The following ATP8A2 variants were observed in gnomAD, a reference collection of about 807,000 sequenced individuals.
ATP8A2 encodes phospholipid-transporting ATPase IB.
In ATP8A2, 100 loss-of-function variants were observed where a neutral mutation model predicts 165.6. The observed-to-expected ratio is 0.60, with a 90% CI of 0.51 to 0.71. The LOEUF (loss-of-function observed/expected upper bound fraction) is 0.71. ATP8A2 is among the 30% of genes least tolerant of loss of function. The pLI is 0.00. For missense variants in ATP8A2, 1,227 were observed against 1,479.5 expected (o/e 0.83, Z 2.80); for synonymous variants, 543 against 548.8 (o/e 0.99, Z 0.15).
chr13:25,737,963 C>T (rs980471025), intron 25 of ATP8A2, among the ~76,000 whole-genome samples: 5 of 152,180 alleles, frequency 3.3e-5, no homozygotes, highest in Admixed American at 6.5e-5. Flanking sequence ...GGATTACAGG[C>T]GTGAGCCATC....
intron 35 of ATP8A2, among the ~76,000 whole-genome samples, chr13:25,993,338 A>T (rs2139297412): frequency 6.6e-6 from 1 of 152,324 alleles, no homozygotes; most frequent in Admixed American, 6.5e-5. Flanking sequence ...GAAAACTGGC[A>T]CAAGACAGGG....
intron 1 of ATP8A2, among the ~76,000 whole-genome samples, chr13:25,380,266 G>A (rs2032789577): frequency 6.6e-6 from 1 of 152,182 alleles, no homozygotes; most frequent in Non-Finnish European, 1.5e-5. Flanking sequence ...TGTTGAGCTT[G>A]TAGCTTGCTT....
At chr13:25,457,676 C>A (rs942694274) in intron 1 of ATP8A2, among the ~76,000 whole-genome samples, 2 of 152,238 alleles carry the variant, frequency 1.3e-5, no homozygotes, top group Admixed American at 6.5e-5. Flanking sequence ...AACAAATCGA[C>A]CTGGCAACCC....
chr13:25,571,865 A>G, intron 18 of ATP8A2, 173 bp downstream of exon 18: 1 of 682,072 alleles, frequency 1.5e-6, no homozygotes, highest in South Asian at 1.7e-5. Context: ...GTTGTTTTGC[A>G]TTGCAGTATT....
rs1395305179 is a variant in ATP8A2 at position 25,371,995 on chromosome 13, C to T, written c.-218C>T. On this transcript the variant is annotated 5_prime_UTR_variant, in exon 1 of 37. Coordinates refer to ENST00000381655, the MANE Select transcript of ATP8A2 (RefSeq NM_016529.6). ...CGCCGCAGCCCGGGCCAGCGGGGCC[C>T]GCCGCGGTGGCGTTCGCGGATGCTG... 3.6e-5 allele frequency: 6 copies of T among 165,750 alleles called. No individual in the cohort carries two copies. The highest frequency in any genetic ancestry group is 6.4e-5 in the Non-Finnish European group (5 of 78,090). The allele number at this position is 165,750 out of a possible 1,614,324, so 10.3% of individuals were successfully genotyped here.
intron 33 of ATP8A2, among the ~76,000 whole-genome samples, chr13:25,937,823 T>G (rs1221029113): frequency 1.7e-5 from 2 of 116,716 alleles, no homozygotes; most frequent in Non-Finnish European, 3.2e-5. Context: ...CACTCCAGCC[T>G]GGGGGACAGA....
At chr13:25,573,176 A>G (rs2039516542) in intron 18 of ATP8A2, among the ~76,000 whole-genome samples, 1 of 152,152 alleles carries the variant, frequency 6.6e-6, no homozygotes, top group African/African-American at 2.4e-5. Context: ...AATCTGAACT[A>G]TAGGATTTTC....
chr13:25,801,046 T>A (rs1950612658), intron 27 of ATP8A2, among the ~76,000 whole-genome samples: 1 of 152,152 alleles, frequency 6.6e-6, no homozygotes, highest in South Asian at 2.1e-4. Context: ...GCTGCTGAGG[T>A]CTGTTTGTAG....
intron 1 of ATP8A2, among the ~76,000 whole-genome samples, chr13:25,416,110 G>T (rs558873588): frequency 7.2e-5 from 11 of 152,264 alleles, no homozygotes; most frequent in African/African-American, 2.4e-4. Context: ...TAGCAGGCAT[G>T]AGCCACTACA....
intron 35 of ATP8A2, among the ~76,000 whole-genome samples, chr13:26,006,322 A>G (rs1225495930): frequency 1.3e-5 from 2 of 151,952 alleles, no homozygotes; most frequent in Non-Finnish European, 2.9e-5. Flanking sequence ...GTACATTGCT[A>G]TTATATTTGT....
intron 27 of ATP8A2, among the ~76,000 whole-genome samples, chr13:25,811,103 C>T (rs1950857839): frequency 6.6e-6 from 1 of 151,946 alleles, no homozygotes; most frequent in Admixed American, 6.6e-5. Context: ...CTAAAAGATC[C>T]TGTCATCTTA....
At chr13:25,592,515 C>T (rs183704995) in intron 24 of ATP8A2, among the ~76,000 whole-genome samples, 14 of 152,320 alleles carry the variant, frequency 9.2e-5, no homozygotes, top group African/African-American at 3.4e-4. Context: ...CAAAACACCG[C>T]ATCGGTGGAC....
chr13:25,795,658 C>T (rs928707186), intron 27 of ATP8A2, among the ~76,000 whole-genome samples: 17 of 152,212 alleles, frequency 1.1e-4, no homozygotes, highest in African/African-American at 3.4e-4. Context: ...AAGTATCTTA[C>T]AAAATAAAAA....
intron 4 of ATP8A2, among the ~76,000 whole-genome samples, chr13:25,531,326 ATATATATATGT>A (rs1481649652): frequency 2.3e-4 from 18 of 79,106 alleles, no homozygotes; most frequent in South Asian, 1.0e-3. Context: ...GTTATATATG[ATATATATATGT>A]TATATATGAT....
intron 23 of ATP8A2, among the ~76,000 whole-genome samples, chr13:25,584,047 T>G (rs2039850985): frequency 6.6e-6 from 1 of 152,212 alleles, no homozygotes; most frequent in Non-Finnish European, 1.5e-5. Context: ...AAACACATCT[T>G]GGGTGTTACT....
chr13:25,904,149 C>G (rs904672722), intron 33 of ATP8A2, among the ~76,000 whole-genome samples: 7 of 152,236 alleles, frequency 4.6e-5, no homozygotes, highest in Non-Finnish European at 7.3e-5. Context: ...AGCGTTTCCT[C>G]TGAGCGTCAT....
intron 28 of ATP8A2, among the ~76,000 whole-genome samples, chr13:25,829,657 G>T (rs1951404655): frequency 9.9e-6 from 1 of 100,830 alleles, no homozygotes. Flanking sequence ...GTAGAGCCAA[G>T]GACAGGTGTG....
intron 27 of ATP8A2, among the ~76,000 whole-genome samples, chr13:25,791,648 T>C (rs1387967643): frequency 6.6e-6 from 1 of 151,956 alleles, no homozygotes; most frequent in Non-Finnish European, 1.5e-5. Context: ...AAGTGGTTTC[T>C]CTCCTCCCAG....
intron 34 of ATP8A2, among the ~76,000 whole-genome samples, chr13:25,966,339 C>T (rs2139201901): frequency 6.6e-6 from 1 of 152,328 alleles, no homozygotes; most frequent in South Asian, 2.1e-4. Context: ...AAGTGACATG[C>T]CAGTGGCTAA....
Sources: gnomAD v4.1 joint callset for allele counts (sites outside exome capture counted in the v4.1 genomes callset) on GRCh38, gnomAD v4.1.1 for gene constraint, MANE v1.5 for transcripts, NCBI Gene and HGNC (gene_info 2026-07-23, HGNC 2026-07-21) for gene names.